Variants in SHANK2 observed in about 807,000 individuals in gnomAD.
SHANK2 encodes SH3 and multiple ankyrin repeat domains protein 2.
In SHANK2, 43 loss-of-function variants were observed where a neutral mutation model predicts 133.7. The ratio of observed to expected loss-of-function variants is 0.32; its 90% CI spans 0.25 to 0.41. SHANK2 has a LOEUF of 0.41. Among genes scored for constraint, SHANK2 ranks in the 10% least tolerant of loss-of-function variants. The pLI is 1.00. For synonymous variants in SHANK2, 1,017 were observed against 952.8 expected, an observed-to-expected ratio of 1.07 and a Z score of -1.24; for missense variants, 1,994 against 2,235.8, an observed-to-expected ratio of 0.89 and a Z score of 2.18.
intron 1 of SHANK2, among the ~76,000 whole-genome samples, chr11:71,233,449 G>A (rs187885114): frequency 2.4e-4 from 36 of 152,278 alleles, no homozygotes; most frequent in East Asian, 3.9e-4. Context: ...CAGATTAGTC[G>A]TTGCCAGGGG....
intron 8 of SHANK2, among the ~76,000 whole-genome samples, chr11:71,089,053 A>T (rs991680773): frequency 6.6e-6 from 1 of 152,128 alleles, no homozygotes; most frequent in East Asian, 1.9e-4. Flanking sequence ...CTTGACCTTG[A>T]CCTCAAATCA....
chr11:70,587,698 GT>G lies in SHANK2; in HGVS notation c.2061+72129del, dbSNP rs34539549. Among the ~76,000 whole-genome samples, 659 of 119,716 alleles carry G rather than the reference GT, an allele frequency of 5.5e-3. 1 individual carries two copies. The highest frequency in any genetic ancestry group is 6.8e-3 in the African/African-American group (205 of 30,296). 78.5% of individuals were successfully genotyped at this position (119,716 alleles called of 152,430 possible). A position where few individuals can be genotyped will look rare whatever the true frequency, so the allele number is the denominator to read the frequency against. ...GGCAACCCATTGTTGAGCACGTCCAGTTTTTTTTTTTTTTTTTTTTTTAAGA... is the reference window on the plus strand; with the variant it reads ...GGCAACCCATTGTTGAGCACGTCCAGTTTTTTTTTTTTTTTTTTTTTAAGA... On this transcript the variant is annotated intron_variant, in intron 17 of 25. Coordinates refer to ENST00000601538, the MANE Select transcript of SHANK2 (RefSeq NM_012309.5).
intron 2 of SHANK2, among the ~76,000 whole-genome samples, chr11:71,156,399 A>G (rs1952907348): frequency 6.6e-6 from 1 of 152,140 alleles, no homozygotes; most frequent in African/African-American, 2.4e-5. Context: ...AAGAAACGGG[A>G]TCCTGCCTCT....
At chr11:71,073,138 T>TTTC (rs1951165406) in intron 9 of SHANK2, among the ~76,000 whole-genome samples, 1 of 95,472 alleles carries the variant, frequency 1.0e-5, no homozygotes, top group African/African-American at 3.0e-5. Flanking sequence ...TTTTTTTTCT[T>TTTC]TTTCTTTTCT....
At chr11:70,930,128 T>G (rs963684770) in intron 10 of SHANK2, among the ~76,000 whole-genome samples, 1 of 152,238 alleles carries the variant, frequency 6.6e-6, no homozygotes, top group African/African-American at 2.4e-5. Flanking sequence ...ACGGGCCAAG[T>G]GCAGGACCTA....
At chr11:71,064,847 G>A (rs948987712) in intron 9 of SHANK2, among the ~76,000 whole-genome samples, 39 of 152,264 alleles carry the variant, frequency 2.6e-4, no homozygotes, top group African/African-American at 8.9e-4. Context: ...AGTCTCCTAA[G>A]AGGTCGGCAC....
chr11:70,538,229 G>A lies in SHANK2; in HGVS notation c.2062-35298C>T, dbSNP rs1424322805. Among the ~76,000 whole-genome samples the A allele has an allele frequency of 3.3e-5, 5 of 152,240 alleles. No homozygotes were observed. In the East Asian group the frequency reaches 7.7e-4, roughly 23 times the overall value. On this transcript the variant is annotated intron_variant, in intron 17 of 25. Transcript: ENST00000601538. ...GCAGCCCTGCCTGTGGACATAGCCAGCAGCCCACACGGAGTCCCCGGGCGC... is the reference window on the plus strand; with the variant it reads ...GCAGCCCTGCCTGTGGACATAGCCAACAGCCCACACGGAGTCCCCGGGCGC...
In SHANK2 at chr11:71,118,785, G is replaced by C. The variant is rs1389591289; in HGVS notation, c.411+44C>G. 3.4e-6 allele frequency: 5 copies of C among 1,463,948 alleles called. 1 individual carries two copies. In the African/African-American group the frequency reaches 4.2e-5, roughly 12 times the overall value. 90.7% of individuals were successfully genotyped at this position (1,463,948 alleles called of 1,614,324 possible). ...CTCCCCCACCCACCATGGCATCCAG[G>C]CTGTGACACAACCACAGTCCATGCA... On this transcript the variant is annotated intron_variant, in intron 4 of 25. Transcript: ENST00000601538.
At chr11:70,545,680 C>G (rs1250239061) in intron 17 of SHANK2, among the ~76,000 whole-genome samples, 1 of 152,212 alleles carries the variant, frequency 6.6e-6, no homozygotes, top group Non-Finnish European at 1.5e-5. Flanking sequence ...CCAACATCAA[C>G]CAATTCTCTA....
At chr11:70,540,653 A>T (rs2059609033) in intron 17 of SHANK2, among the ~76,000 whole-genome samples, 1 of 152,090 alleles carries the variant, frequency 6.6e-6, no homozygotes, top group Non-Finnish European at 1.5e-5. Context: ...GTACTGCGGT[A>T]AAATCCATAT....
chr11:70,911,248 T>C (rs551662648), intron 10 of SHANK2: 3 of 453,204 alleles, frequency 6.6e-6, no homozygotes, highest in South Asian at 1.6e-5. Context: ...GTTTTTGAGA[T>C]GGAGTCTTGC....
intron 10 of SHANK2, among the ~76,000 whole-genome samples, chr11:70,897,053 T>C (rs1000368005): frequency 1.3e-5 from 2 of 152,152 alleles, no homozygotes; most frequent in Non-Finnish European, 2.9e-5. Context: ...GTGGGAAAAA[T>C]TCTACCCATA....
intron 14 of SHANK2, among the ~76,000 whole-genome samples, chr11:70,709,509 G>A (rs1555025693): frequency 6.6e-6 from 1 of 152,222 alleles, no homozygotes; most frequent in Non-Finnish European, 1.5e-5. Context: ...AGCAGAGATG[G>A]GGAAATATCA....
chr11:71,174,499 G>A (rs1423420593), intron 2 of SHANK2, among the ~76,000 whole-genome samples: 6 of 152,098 alleles, frequency 3.9e-5, no homozygotes, highest in Non-Finnish European at 8.8e-5. Context: ...GGCCAACATG[G>A]TGAAACCCCG....
intron 17 of SHANK2, among the ~76,000 whole-genome samples, chr11:70,513,892 CGA>C (rs1428031584): frequency 6.6e-6 from 1 of 151,702 alleles, no homozygotes; most frequent in African/African-American, 2.4e-5. Context: ...ATAACGTGAA[CGA>C]GAGTCTCAGA....
At chr11:70,805,802 G>A (rs72937511) in intron 13 of SHANK2, among the ~76,000 whole-genome samples, 3 of 152,124 alleles carry the variant, frequency 2.0e-5, no homozygotes, top group Non-Finnish European at 4.4e-5. Flanking sequence ...CTCAAAAGAC[G>A]GACTTAACAG....
At chr11:70,703,656 C>T (rs373798189) in intron 14 of SHANK2, among the ~76,000 whole-genome samples, 1 of 152,296 alleles carries the variant, frequency 6.6e-6, no homozygotes, top group African/African-American at 2.4e-5. Flanking sequence ...AGGGGAGGAG[C>T]AGGAGGTCAG....
chr11:70,895,735 A>C (rs1949924017), intron 11 of SHANK2, among the ~76,000 whole-genome samples: 1 of 152,018 alleles, frequency 6.6e-6, no homozygotes, highest in South Asian at 2.1e-4. Context: ...AACACATCCA[A>C]ATCAGCTGCA....
At position 70,807,638 on chromosome 11, in the gene SHANK2, C is replaced by T. The variant is rs3019847; in HGVS notation, c.1494-467G>A. On this transcript the variant is annotated intron_variant, in intron 12 of 25. Coordinates refer to ENST00000601538, the MANE Select transcript of SHANK2 (RefSeq NM_012309.5). This position sits in a 1 kb window ranked among gnomAD's most constrained non-coding sequence, Gnocchi z 4.8. ...TGAGATCACGAGTTCGGGACCAGCA[C>T]GGCCAACATGGTGAAACCTCGTTGG... is the stretch of plus-strand genomic sequence containing the variant. Among the ~76,000 whole-genome samples the T allele has an allele frequency of 0.31, 47,717 of 151,968 alleles. 9,379 individuals are homozygous for T. Among genetic ancestry groups the T allele is most frequent in the African/African-American group, 0.56 (23,229 of 41,424 alleles).
Sources: gnomAD v4.1 joint callset for allele counts (sites outside exome capture counted in the v4.1 genomes callset) on GRCh38, gnomAD v4.1.1 for gene constraint, Gnocchi (gnomAD v3.1) non-coding constraint, MANE v1.5 for transcripts, NCBI Gene and HGNC (gene_info 2026-07-23, HGNC 2026-07-21) for gene names.